The following AEBP2 variants were observed in gnomAD, a reference collection of about 807,000 sequenced individuals.
AEBP2 encodes the protein AE binding protein 2, also known as zinc finger protein AEBP2.
In AEBP2, 10 loss-of-function variants were observed where a neutral mutation model predicts 50.8. The observed-to-expected ratio is 0.20, with a 90% CI of 0.12 to 0.33. The LOEUF (loss-of-function observed/expected upper bound fraction) is 0.33. Ranked by LOEUF, AEBP2 falls within the 10% of genes least tolerant of loss-of-function variation. AEBP2 has a pLI of 1.00. For synonymous variants in AEBP2, 296 were observed against 261.3 expected (o/e 1.13, Z -1.28); for missense variants, 570 against 688.0 (o/e 0.83, Z 1.92).
In AEBP2 at chr12:19,462,432, CTTAA is replaced by C. The variant is rs1450358631; in HGVS notation, c.672-73_672-70del. ...ATGGAGCAGAATGTCAAGTGGTAAT[CTTAA>C]TTAAATATTTATAAGATCATATTCA... On this transcript the variant is annotated intron_variant, in intron 1 of 7. Transcript: ENST00000266508. The C allele has an allele frequency of 7.4e-6, 9 of 1,220,914 alleles. No individual in the cohort carries two copies. In the East Asian group the frequency reaches 1.8e-4, roughly 24 times the overall value. 75.6% of individuals were successfully genotyped at this position (1,220,914 alleles called of 1,614,324 possible).
In AEBP2 at chr12:19,519,165, T is replaced by C. The variant is rs1236065968; in HGVS notation, c.*1048T>C. 1 of 152,644 alleles carries C rather than the reference T, an allele frequency of 6.6e-6. No individual in the cohort carries two copies. Among genetic ancestry groups the C allele is most frequent in the Non-Finnish European group, 1.5e-5 (1 of 68,054 alleles). 9.5% of individuals were successfully genotyped at this position (152,644 alleles called of 1,614,324 possible). ...ATATGTGTAACTTGTTAGTATTGTA[T>C]TAAACAAATGTTGCATAGAGATAAT... is the stretch of plus-strand genomic sequence containing the variant. On this transcript the variant is annotated 3_prime_UTR_variant, in exon 8 of 8. Transcript: ENST00000266508.
chr12:19,438,721 A>G (rs1947887655), upstream of AEBP2, among the ~76,000 whole-genome samples: 1 of 152,224 alleles, frequency 6.6e-6, no homozygotes, highest in African/African-American at 2.4e-5. Flanking sequence ...AATATAAAAT[A>G]TATTACTAGG....
chr12:19,468,237 G>C (rs1948516511), intron 2 of AEBP2, among the ~76,000 whole-genome samples: 1 of 151,556 alleles, frequency 6.6e-6, no homozygotes, highest in Non-Finnish European at 1.5e-5. Context: ...CTTAAGCAGT[G>C]CTCCCATCTC....
At chr12:19,463,632 G>A (rs1009542662) in intron 2 of AEBP2, among the ~76,000 whole-genome samples, 5 of 137,206 alleles carry the variant, frequency 3.6e-5, no homozygotes, top group Non-Finnish European at 7.9e-5. Flanking sequence ...CCGGGTCAAC[G>A]TTTCTAACAT....
rs1308065021 is a variant in AEBP2 at position 19,457,759 on chromosome 12, G to A, written c.672-4751G>A. On this transcript the variant is annotated intron_variant, in intron 1 of 7. Transcript: ENST00000266508. ...CTTTTCGGTTCCTACTAGTCAAAATGTCACAGCAGCATCAAGCGGGCACTT... is the reference window on the plus strand; with the variant it reads ...CTTTTCGGTTCCTACTAGTCAAAATATCACAGCAGCATCAAGCGGGCACTT... 1.4e-5 allele frequency: 7 copies of A among 514,452 alleles called. No individual in the cohort carries two copies. In the South Asian group the frequency reaches 3.3e-4, roughly 24 times the overall value. 31.9% of individuals were successfully genotyped at this position (514,452 alleles called of 1,614,324 possible). A position where few individuals can be genotyped will look rare whatever the true frequency, so the allele number is the denominator to read the frequency against.
At chr12:19,448,526 C>T (rs1003153143) in intron 1 of AEBP2, among the ~76,000 whole-genome samples, 1 of 151,932 alleles carries the variant, frequency 6.6e-6, no homozygotes, top group Non-Finnish European at 1.5e-5. Flanking sequence ...TATATACTTG[C>T]AGAACTTGCC....
intron 3 of AEBP2, among the ~76,000 whole-genome samples, chr12:19,480,007 G>A (rs1482929842): frequency 1.3e-5 from 2 of 151,536 alleles, no homozygotes; most frequent in African/African-American, 4.8e-5. Flanking sequence ...AAGTACTGTT[G>A]TATTCATCAT....
intron 1 of AEBP2, among the ~76,000 whole-genome samples, chr12:19,433,975 T>C (rs2095752938): frequency 6.6e-6 from 1 of 151,930 alleles, no homozygotes; most frequent in East Asian, 1.9e-4. Context: ...GCCTCCCTAG[T>C]AGCCGGGACT....
At chr12:19,476,964 T>A (rs1449861310) in intron 3 of AEBP2, among the ~76,000 whole-genome samples, 1 of 152,200 alleles carries the variant, frequency 6.6e-6, no homozygotes, top group Non-Finnish European at 1.5e-5. Flanking sequence ...GTGTTTTCAT[T>A]TGTTGGTGTT....
At chr12:19,502,928 C>T (rs546684601) in intron 5 of AEBP2, among the ~76,000 whole-genome samples, 25 of 152,116 alleles carry the variant, frequency 1.6e-4, no homozygotes, top group Admixed American at 1.4e-3. Context: ...GATTAATAGG[C>T]GCGAGCCACC....
rs1396061061 is a variant in AEBP2 at position 19,503,690 on chromosome 12, T to TA, written c.1299+3472dup. 2.1e-4 allele frequency among the ~76,000 whole-genome samples: 32 copies of TA among 151,874 alleles called. 1 individual carries two copies. The highest frequency in any genetic ancestry group is 2.1e-3 in the Admixed American group (32 of 15,240). ...AGACATCCTTGGGTTTTTTTTTTTT[T>TA]AAACATTTATTTTTATAGAGACAGG... On this transcript the variant is annotated intron_variant, in intron 5 of 7. Coordinates refer to ENST00000266508, the MANE Select transcript of AEBP2 (RefSeq NM_153207.5).
chr12:19,411,546 T>C (rs545656183), intron 1 of AEBP2, among the ~76,000 whole-genome samples: 156 of 146,640 alleles, frequency 1.1e-3, no homozygotes, highest in African/African-American at 3.6e-3. Context: ...TTTTACAAAT[T>C]CCTGCTTCTT....
At chr12:19,514,938 C>A (rs1166002612) in intron 7 of AEBP2, among the ~76,000 whole-genome samples, 154 bp downstream of exon 7, 1 of 151,148 alleles carries the variant, frequency 6.6e-6, no homozygotes, top group Non-Finnish European at 1.5e-5. Context: ...TGTGGACTCA[C>A]AAAGAGTTAA....
rs1409260106 is a variant in AEBP2 at position 19,439,677 on chromosome 12, G to A, written c.-23G>A. On this transcript the variant is annotated 5_prime_UTR_variant, in exon 1 of 8. Transcript: ENST00000266508. Reference sequence around the variant, plus strand: ...GGGAGGCGGCGGTGGGGAGGAGGAGGAGGAGGAGGAGCAGGCGCCGCCATG... The same window carrying A: ...GGGAGGCGGCGGTGGGGAGGAGGAGAAGGAGGAGGAGCAGGCGCCGCCATG... 4.0e-6 allele frequency: 6 copies of A among 1,516,692 alleles called. No individual in the cohort carries two copies. In the Admixed American group the frequency reaches 1.2e-4, roughly 30 times the overall value. The allele number at this position is 1,516,692 out of a possible 1,614,324, so 94.0% of individuals were successfully genotyped here.
chr12:19,471,819 C>G (rs1031679265), intron 2 of AEBP2, among the ~76,000 whole-genome samples: 8 of 152,166 alleles, frequency 5.3e-5, no homozygotes, highest in Non-Finnish European at 7.3e-5. Context: ...GTGTGAGCCA[C>G]CACATCGGGT....
At chr12:19,427,031 T>G (rs564974222) in intron 1 of AEBP2, among the ~76,000 whole-genome samples, 1 of 152,158 alleles carries the variant, frequency 6.6e-6, no homozygotes, top group South Asian at 2.1e-4. Flanking sequence ...ATCCAATTGA[T>G]TGAGGATTTG....
intron 5 of AEBP2, among the ~76,000 whole-genome samples, chr12:19,502,456 T>C (rs960943733): frequency 2.0e-5 from 3 of 152,052 alleles, no homozygotes; most frequent in African/African-American, 7.2e-5. Context: ...ATTTTTTATA[T>C]GGTGAGAGCT....
At chr12:19,514,008 G>GT (rs947062159) in intron 6 of AEBP2, among the ~76,000 whole-genome samples, 13 of 134,794 alleles carry the variant, frequency 9.6e-5, no homozygotes, top group Admixed American at 1.5e-4. Context: ...TGTTTTTTTG[G>GT]TTTTTTTTGG....
intron 1 of AEBP2, among the ~76,000 whole-genome samples, chr12:19,415,459 G>C (rs569834166): frequency 2.1e-5 from 3 of 144,634 alleles, no homozygotes; most frequent in Non-Finnish European, 4.5e-5. Flanking sequence ...TCTGTTACTA[G>C]TATCTTGATC....
Sources: gnomAD v4.1 joint callset for allele counts (sites outside exome capture counted in the v4.1 genomes callset) on GRCh38, gnomAD v4.1.1 for gene constraint, MANE v1.5 for transcripts, NCBI Gene and HGNC (gene_info 2026-07-23, HGNC 2026-07-21) for gene names.